CFAP54: variants seen among roughly 807,000 people sequenced by gnomAD.
CFAP54 encodes cilia- and flagella-associated protein 54.
Under a neutral mutation model 370.4 loss-of-function variants are expected in CFAP54, and 290 were observed. That is an observed-to-expected ratio of 0.78 (90% confidence interval 0.71 to 0.86). The LOEUF is 0.86. CFAP54 is among the 40% of genes least tolerant of loss of function. The probability of loss-of-function intolerance (pLI) is 0.00; values close to 1 mark genes in which losing one functional copy is unlikely to be tolerated. For missense variants in CFAP54, 3,399 were observed against 3,528.7 expected, an observed-to-expected ratio of 0.96 and a Z score of 0.93; for synonymous variants, 1,206 against 1,236.5, an observed-to-expected ratio of 0.98 and a Z score of 0.52.
chr12:96,634,890 A>G (rs540436203), intron 32 of CFAP54, among the ~76,000 whole-genome samples: 8 of 152,196 alleles, frequency 5.3e-5, no homozygotes, highest in Non-Finnish European at 1.2e-4. Flanking sequence ...TCAGCTGGAC[A>G]TATTTGTGCA....
chr12:96,830,820 A>T (rs1187747880), intron 66 of CFAP54, among the ~76,000 whole-genome samples: 4 of 151,448 alleles, frequency 2.6e-5, no homozygotes, highest in Non-Finnish European at 5.9e-5. Flanking sequence ...CTGGGACTAC[A>T]GGCAAGCGCC....
At chr12:96,800,829 C>G (rs760812947) in intron 63 of CFAP54, among the ~76,000 whole-genome samples, 19 of 152,134 alleles carry the variant, frequency 1.2e-4, no homozygotes, top group Non-Finnish European at 2.6e-4. Flanking sequence ...CATTAGCCCC[C>G]TTTTACAAAA....
At chr12:96,664,711 ATATCTATATATATC>A (rs1565934212) in intron 39 of CFAP54, among the ~76,000 whole-genome samples, 894 of 11,142 alleles carry the variant, frequency 0.08, 7 homozygotes, top group South Asian at 0.13. Flanking sequence ...ATATATATAT[ATATCTATATATATC>A]TATATATATA....
intron 22 of CFAP54, among the ~76,000 whole-genome samples, chr12:96,586,272 C>CTTTG (rs1956075487): frequency 6.6e-6 from 1 of 152,056 alleles, no homozygotes; most frequent in Non-Finnish European, 1.5e-5. Context: ...TGCTGAGGCC[C>CTTTG]AGGGACCATA....
intron 17 of CFAP54, 59 bp downstream of exon 17, chr12:96,554,861 A>G: frequency 1.5e-6 from 2 of 1,359,702 alleles, no homozygotes; most frequent in Non-Finnish European, 1.9e-6. Flanking sequence ...ACTCCAGTAC[A>G]GAATCAATTT....
intron 36 of CFAP54, among the ~76,000 whole-genome samples, chr12:96,657,374 T>C (rs1592692220): frequency 6.6e-6 from 1 of 152,192 alleles, no homozygotes; most frequent in South Asian, 2.1e-4. Flanking sequence ...AATTAACGAA[T>C]GTAACCAACG....
In CFAP54 at chr12:96,538,399, A is replaced by G; in HGVS notation, c.1807A>G (p.Lys603Glu). 2 of 1,534,944 alleles carry G rather than the reference A, an allele frequency of 1.3e-6. No homozygotes were observed. Among genetic ancestry groups the G allele is most frequent in the Non-Finnish European group, 8.7e-7 (1 of 1,146,386 alleles). Residue 603 changes from lysine (K) to glutamate (E), a missense_variant, in exon 13 of 68, where the codon AAA becomes GAA. Transcript: ENST00000524981. ...TTGTTTTTAGGATGTTCAACCTGAT[A>G]AAGAAATTGTTGTGGACACGATAAT... Reference protein sequence around the residue: ...CTAPQDVQPDKEIVVDTIMFL... With the variant: ...CTAPQDVQPDEEIVVDTIMFL...
intron 66 of CFAP54, among the ~76,000 whole-genome samples, chr12:96,846,974 G>A (rs1477973947): frequency 1.3e-5 from 2 of 152,020 alleles, no homozygotes; most frequent in African/African-American, 2.4e-5. Flanking sequence ...ACAGTTAAGG[G>A]CTCAGTCCTG....
chr12:96,635,001 T>G (rs1956648546), intron 32 of CFAP54, among the ~76,000 whole-genome samples: 2 of 152,224 alleles, frequency 1.3e-5, no homozygotes, highest in South Asian at 4.1e-4. Flanking sequence ...AGAGTAAACC[T>G]TAAAATCAAG....
At chr12:96,507,868 G>A (rs1316219740) in intron 4 of CFAP54, among the ~76,000 whole-genome samples, 1 of 152,068 alleles carries the variant, frequency 6.6e-6, no homozygotes, top group Non-Finnish European at 1.5e-5. Flanking sequence ...TACATTTGCT[G>A]CCAGAGATGA....
chr12:96,733,126 C>T (rs551842233), intron 50 of CFAP54, among the ~76,000 whole-genome samples: 2 of 152,246 alleles, frequency 1.3e-5, no homozygotes, highest in African/African-American at 2.4e-5. Flanking sequence ...CAGAATTGCT[C>T]CTATTTTAAA....
At chr12:96,843,895 T>C (rs1302176977) in intron 66 of CFAP54, among the ~76,000 whole-genome samples, 1 of 152,194 alleles carries the variant, frequency 6.6e-6, no homozygotes, top group Non-Finnish European at 1.5e-5. Flanking sequence ...ACCCTATCAG[T>C]CTCAATCTAA....
chr12:96,685,484 C>T (rs1002069413), intron 42 of CFAP54, among the ~76,000 whole-genome samples: 1 of 152,134 alleles, frequency 6.6e-6, no homozygotes, highest in Admixed American at 6.5e-5. Context: ...GTTTGCTTTG[C>T]TTACTCATGG....
chr12:96,685,457 G>T (rs1356365132), intron 42 of CFAP54, among the ~76,000 whole-genome samples: 2 of 152,108 alleles, frequency 1.3e-5, no homozygotes, highest in East Asian at 1.9e-4. Flanking sequence ...AAATATCAGT[G>T]TCACCCGGGC....
At chr12:96,604,921 C>G (rs1056786978) in intron 26 of CFAP54, among the ~76,000 whole-genome samples, 5 of 152,210 alleles carry the variant, frequency 3.3e-5, no homozygotes, top group African/African-American at 1.2e-4. Flanking sequence ...TCCCCCAAAC[C>G]CTTGTGCTTT....
chr12:96,639,727 C>G (rs899920107), intron 32 of CFAP54, among the ~76,000 whole-genome samples: 1 of 152,148 alleles, frequency 6.6e-6, no homozygotes, highest in Admixed American at 6.5e-5. Context: ...AAAGCTTATC[C>G]ACCATGATCA....
intron 26 of CFAP54, among the ~76,000 whole-genome samples, chr12:96,605,923 G>T (rs959031485): frequency 6.6e-6 from 1 of 152,178 alleles, no homozygotes; most frequent in Non-Finnish European, 1.5e-5. Flanking sequence ...AATAATTGGT[G>T]AATTGGTTGA....
At chr12:96,520,116 C>T (rs1955287585) in intron 6 of CFAP54, among the ~76,000 whole-genome samples, 1 of 152,208 alleles carries the variant, frequency 6.6e-6, no homozygotes, top group Non-Finnish European at 1.5e-5. Flanking sequence ...CAGTCTTAGT[C>T]TCTGGAGTAT....
At chr12:96,629,991 T>G (rs1956588429) in intron 30 of CFAP54, 102 bp from the exon 31 acceptor site, 2 of 507,252 alleles carry the variant, frequency 3.9e-6, no homozygotes, top group Non-Finnish European at 6.9e-6. Context: ...CAGTTTTAGA[T>G]ATTCTTGTAT....
Sources: allele counts gnomAD v4.1 joint callset (sites outside exome capture counted in the v4.1 genomes callset), GRCh38; gene constraint gnomAD v4.1.1; transcripts MANE v1.5; gene names NCBI Gene and HGNC (gene_info 2026-07-23, HGNC 2026-07-21).